TMEM117: variants seen among roughly 807,000 people sequenced by gnomAD.
TMEM117 encodes transmembrane protein 117.
TMEM117 carries 27 observed loss-of-function variants against 52.4 expected under a neutral mutation model. The observed-to-expected ratio is 0.51, with a 90% CI of 0.38 to 0.71. The LOEUF (loss-of-function observed/expected upper bound fraction) is 0.71. Among genes scored for constraint, TMEM117 ranks in the 30% least tolerant of loss-of-function variants. The probability of loss-of-function intolerance (pLI) is 0.00; values close to 1 mark genes in which losing one functional copy is unlikely to be tolerated. For synonymous variants in TMEM117, 215 were observed against 206.3 expected (o/e 1.04, Z -0.36); for missense variants, 556 against 630.5 (o/e 0.88, Z 1.26).
rs1363683311 is a variant in TMEM117, at chr12:44,152,322, T to G, written c.510+8698T>G. On this transcript the variant is annotated intron_variant, in intron 4 of 7. Coordinates refer to ENST00000266534, the MANE Select transcript of TMEM117 (RefSeq NM_032256.3). ...AATATTTATATATAATCATATCATA[T>G]AAATATATATATTATATATAAATTT... Among the ~76,000 whole-genome samples, 3 of 111,282 alleles carry G rather than the reference T, an allele frequency of 2.7e-5. No homozygotes were observed. In the East Asian group the frequency reaches 9.3e-4, roughly 35 times the overall value. 73.0% of individuals were successfully genotyped at this position (111,282 alleles called of 152,430 possible). A position where few individuals can be genotyped will look rare whatever the true frequency, so the allele number is the denominator to read the frequency against.
intron 1 of TMEM117, among the ~76,000 whole-genome samples, chr12:43,837,935 G>A (rs545149273): frequency 2.4e-4 from 37 of 152,208 alleles, no homozygotes; most frequent in Non-Finnish European, 4.1e-4. Context: ...AATCTAGGAA[G>A]TGATTTATAG....
At chr12:44,156,382 A>C (rs1239945386) in intron 4 of TMEM117, among the ~76,000 whole-genome samples, 2 of 152,112 alleles carry the variant, frequency 1.3e-5, no homozygotes, top group African/African-American at 4.8e-5. Context: ...AACAGAGCTT[A>C]TTGTTTAGTT....
At chr12:44,273,800 T>G (rs1950478619) in intron 5 of TMEM117, among the ~76,000 whole-genome samples, 1 of 152,030 alleles carries the variant, frequency 6.6e-6, no homozygotes, top group Admixed American at 6.6e-5. Context: ...CTCAAAAAAC[T>G]GGGTATAGAA....
At chr12:44,168,957 T>C (rs1354938372) in intron 4 of TMEM117, among the ~76,000 whole-genome samples, 1 of 152,242 alleles carries the variant, frequency 6.6e-6, no homozygotes, top group Non-Finnish European at 1.5e-5. Flanking sequence ...AATCATACAA[T>C]ATTTGTCCTT....
Position 43,846,207 on chromosome 12 carries a change from AATT to A in TMEM117, c.277+1281_277+1283del, listed in dbSNP as rs1354269887. Among the ~76,000 whole-genome samples the A allele has an allele frequency of 5.3e-5, 8 of 152,270 alleles. No individual in the cohort carries two copies. The East Asian group carries it at 1.5e-3, about 29-fold the overall frequency. ...TTGATAATGACAGAAGAAGAGACTA[AATT>A]AGTTTAAGTTAAAAAGGTAACTTAC... is the stretch of plus-strand genomic sequence containing the variant. On this transcript the variant is annotated intron_variant, in intron 2 of 7. Coordinates refer to ENST00000266534, the MANE Select transcript of TMEM117 (RefSeq NM_032256.3).
the TMEM117 span, chr12:43,806,501 C>T: frequency 3.2e-6 from 2 of 621,726 alleles, no homozygotes; most frequent in East Asian, 6.7e-5. Context: ...CTGCTCTTGC[C>T]GCCGCCTCTC....
intron 5 of TMEM117, among the ~76,000 whole-genome samples, chr12:44,277,813 G>C (rs1164594286): frequency 7.5e-6 from 1 of 134,128 alleles, no homozygotes; most frequent in Non-Finnish European, 1.5e-5. Context: ...ACCAAGGCTA[G>C]AGTGCAGTGG....
chr12:44,102,007 C>CT (rs1947869369), intron 3 of TMEM117, among the ~76,000 whole-genome samples: 1 of 151,900 alleles, frequency 6.6e-6, no homozygotes, highest in Non-Finnish European at 1.5e-5. Flanking sequence ...TTTTAGATCA[C>CT]TTTGAGGTGG....
At chr12:44,281,233 A>G (rs547475714) in intron 5 of TMEM117, among the ~76,000 whole-genome samples, 4 of 152,296 alleles carry the variant, frequency 2.6e-5, no homozygotes, top group African/African-American at 9.6e-5. Context: ...AATTTCAGGT[A>G]ATTTTTGTGT....
chr12:44,107,605 C>G (rs1460064804), intron 3 of TMEM117, among the ~76,000 whole-genome samples: 1 of 151,988 alleles, frequency 6.6e-6, no homozygotes, highest in Non-Finnish European at 1.5e-5. Context: ...GGGTAAACAG[C>G]ACAGACTGAA....
At chr12:44,346,690 G>A (rs376599101) in intron 6 of TMEM117, among the ~76,000 whole-genome samples, 5 of 152,008 alleles carry the variant, frequency 3.3e-5, no homozygotes, top group African/African-American at 9.7e-5. Flanking sequence ...TGTCAAATGC[G>A]GCTTGACCAA....
chr12:44,301,211 A>G (rs1279513259), intron 6 of TMEM117, among the ~76,000 whole-genome samples: 1 of 152,186 alleles, frequency 6.6e-6, no homozygotes, highest in Non-Finnish European at 1.5e-5. Flanking sequence ...GTAAGTTTTC[A>G]GTATTCTTCC....
chr12:44,289,575 C>T (rs541455077), intron 5 of TMEM117, among the ~76,000 whole-genome samples: 46 of 116,028 alleles, frequency 4.0e-4, no homozygotes, highest in Non-Finnish European at 7.0e-4. Context: ...TTTTTTGAGA[C>T]AGAGTCTCCC....
At chr12:44,076,036 T>C (rs1947376639) in intron 3 of TMEM117, among the ~76,000 whole-genome samples, 1 of 152,216 alleles carries the variant, frequency 6.6e-6, no homozygotes, top group African/African-American at 2.4e-5. Context: ...GCCAATCAGC[T>C]GATGCAATCA....
At chr12:44,213,860 C>T (rs371191403) in intron 5 of TMEM117, among the ~76,000 whole-genome samples, 1 of 152,144 alleles carries the variant, frequency 6.6e-6, no homozygotes, top group African/African-American at 2.4e-5. Flanking sequence ...ATAAATTACC[C>T]GTTCTTGGGT....
chr12:43,825,846 T>C, the TMEM117 span, among the ~76,000 whole-genome samples: 1 of 152,210 alleles, frequency 6.6e-6, no homozygotes, highest in African/African-American at 2.4e-5. Flanking sequence ...ACAGATGGTC[T>C]GGAGACCACA....
intron 6 of TMEM117, among the ~76,000 whole-genome samples, chr12:44,358,795 G>A (rs1385596587): frequency 6.6e-6 from 1 of 152,114 alleles, no homozygotes; most frequent in African/African-American, 2.4e-5. Flanking sequence ...CCAGGAGGGA[G>A]AAGCAGCAAC....
chr12:43,857,469 G>T (rs1943420838), intron 2 of TMEM117, among the ~76,000 whole-genome samples: 1 of 144,766 alleles, frequency 6.9e-6, no homozygotes. Context: ...GCTATCACAT[G>T]GAATTACAGA....
chr12:44,342,136 G>A (rs1173692409), intron 6 of TMEM117, among the ~76,000 whole-genome samples: 5 of 152,100 alleles, frequency 3.3e-5, no homozygotes, highest in Non-Finnish European at 7.4e-5. Context: ...AGCTTCTCAG[G>A]AACAATTCCA....
Sources: gnomAD v4.1 joint callset for allele counts (sites outside exome capture counted in the v4.1 genomes callset) on GRCh38, gnomAD v4.1.1 for gene constraint, MANE v1.5 for transcripts, NCBI Gene and HGNC (gene_info 2026-07-23, HGNC 2026-07-21) for gene names.